The following SLC4A4 variants were observed in gnomAD, a reference collection of about 807,000 sequenced individuals.
The protein encoded by SLC4A4 is solute carrier family 4 member 4, also known as electrogenic sodium bicarbonate cotransporter 1.
SLC4A4 carries 27 observed loss-of-function variants against 111.5 expected under a neutral mutation model. The ratio of observed to expected loss-of-function variants is 0.24; its 90% CI spans 0.18 to 0.33. The LOEUF (loss-of-function observed/expected upper bound fraction) is 0.33. Ranked by LOEUF, SLC4A4 falls within the 10% of genes least tolerant of loss-of-function variation. SLC4A4 has a pLI of 1.00. For synonymous variants in SLC4A4, 443 were observed against 463.4 expected (o/e 0.96, Z 0.57); for missense variants, 909 against 1,315.5 (o/e 0.69, Z 4.78).
At chr4:71,209,400 A>G (rs1717993088) in intron 1 of SLC4A4, among the ~76,000 whole-genome samples, 1 of 152,208 alleles carries the variant, frequency 6.6e-6, no homozygotes, top group Admixed American at 6.5e-5. Context: ...AGGATGTTGC[A>G]AGAACAGGGT....
intron 7 of SLC4A4, among the ~76,000 whole-genome samples, chr4:71,436,542 G>T (rs987232687): frequency 1.3e-5 from 2 of 152,110 alleles, no homozygotes; most frequent in Non-Finnish European, 2.9e-5. Flanking sequence ...ATGTACCCCA[G>T]AACTTAAAGT....
Position 71,082,053 on chromosome 4 carries a change from G to T in SLC4A4, c.-64-10677G>T, listed in dbSNP as rs192907517. On this transcript the variant is annotated intron_variant, in intron 1 of 26. Transcript: ENST00000649996. ...TGCTCCCTTTGGTAAATTTTCTGTT[G>T]TCTCTCTTTATATCTTACTTATTTT... 4.2e-3 allele frequency among the ~76,000 whole-genome samples: 641 copies of T among 152,070 alleles called. 6 individuals carry two copies. Among genetic ancestry groups the T allele is most frequent in the Non-Finnish European group, 5.2e-3 (354 of 68,020 alleles).
rs539490679 is a variant in SLC4A4 at position 71,127,810 on chromosome 4, A to G, written c.-2+35018A>G. On this transcript the variant is annotated intron_variant, in intron 2 of 26. Transcript: ENST00000649996. ...GGTGTATGCTCAAAAGTCTTTACTG[A>G]TAAGATGTACAATTCAAAGTATTTG... is the stretch of plus-strand genomic sequence containing the variant. 4.6e-5 allele frequency among the ~76,000 whole-genome samples: 7 copies of G among 152,308 alleles called. No individual in the cohort carries two copies. In the East Asian group the frequency reaches 7.7e-4, roughly 17 times the overall value.
At chr4:71,363,508 A>G (rs956266620) in intron 6 of SLC4A4, among the ~76,000 whole-genome samples, 2 of 152,030 alleles carry the variant, frequency 1.3e-5, no homozygotes, top group African/African-American at 2.4e-5. Flanking sequence ...CATCCCCCCA[A>G]CTGCCCCATA....
chr4:71,512,286 C>A (rs1479048175), intron 16 of SLC4A4, among the ~76,000 whole-genome samples: 1 of 152,096 alleles, frequency 6.6e-6, no homozygotes, highest in Non-Finnish European at 1.5e-5. Context: ...TTTCCTCTTT[C>A]TCTGCATCCT....
In SLC4A4 at chr4:71,557,732, G is replaced by C. The variant is rs1736601122; in HGVS notation, c.2784G>C (p.Leu928=). The C allele has an allele frequency of 6.8e-6, 11 of 1,612,736 alleles. No homozygotes were observed. Among genetic ancestry groups the C allele is most frequent in the Non-Finnish European group, 9.3e-6 (11 of 1,179,218 alleles). Residue 928 remains leucine (L), a synonymous_variant, in exon 22 of 26, where the codon CTG becomes CTC. Transcript: ENST00000264485. ...CCCAGTTCATGGATCGTCTGAAGCT[G>C]CTTCTGATGCCTCTGAAGCATCAGC... ...NGVQFMDRLK[L]LLMPLKHQPD...
At chr4:71,423,445 A>G (rs182393531) in intron 7 of SLC4A4, among the ~76,000 whole-genome samples, 1 of 152,248 alleles carries the variant, frequency 6.6e-6, no homozygotes, top group Non-Finnish European at 1.5e-5. Context: ...TGCCATGCCC[A>G]TCAAGCTACC....
intron 3 of SLC4A4, among the ~76,000 whole-genome samples, chr4:71,287,358 CAA>C (rs1224367243): frequency 1.3e-5 from 2 of 152,132 alleles, no homozygotes; most frequent in East Asian, 1.9e-4. Context: ...TTCAGAAGTA[CAA>C]AGAGTGGGAA....
intron 1 of SLC4A4, among the ~76,000 whole-genome samples, chr4:71,070,958 A>T (rs1265170261): frequency 6.9e-6 from 1 of 144,758 alleles, no homozygotes; most frequent in Non-Finnish European, 1.5e-5. Flanking sequence ...CAAGAGCTGG[A>T]AAAGGTCAAC....
intron 7 of SLC4A4, among the ~76,000 whole-genome samples, chr4:71,400,226 C>T (rs1454049038): frequency 6.6e-6 from 1 of 152,122 alleles, no homozygotes; most frequent in Non-Finnish European, 1.5e-5. Context: ...AATTTACTAA[C>T]TTATTGGGTC....
intron 2 of SLC4A4, among the ~76,000 whole-genome samples, chr4:71,242,966 T>G (rs1720369532): frequency 6.6e-6 from 1 of 152,206 alleles, no homozygotes; most frequent in Non-Finnish European, 1.5e-5. Context: ...TTTGGACTCA[T>G]TCTCATCCTT....
intron 18 of SLC4A4, among the ~76,000 whole-genome samples, chr4:71,544,877 T>A (rs1735380451): frequency 6.6e-6 from 1 of 152,052 alleles, no homozygotes; most frequent in Admixed American, 6.6e-5. Flanking sequence ...GCAAGATTTT[T>A]TTTGTCTGTT....
At chr4:71,393,788 C>G (rs1294958650) in intron 6 of SLC4A4, among the ~76,000 whole-genome samples, 1 of 152,114 alleles carries the variant, frequency 6.6e-6, no homozygotes, top group Non-Finnish European at 1.5e-5. Flanking sequence ...GTCACCAAAA[C>G]AGCATGATAC....
rs569857114 is a variant in SLC4A4 at position 71,394,772 on chromosome 4, C to T, written c.731-2805C>T. On this transcript the variant is annotated intron_variant, in intron 6 of 25. Transcript: ENST00000264485. The stretch of plus-strand genomic sequence containing the variant: ...AAAAAGAATGAATTAATGGCATTTG[C>T]AGTGACCTGGATGGGATTGGAGACC... 1.3e-4 allele frequency among the ~76,000 whole-genome samples: 20 copies of T among 152,162 alleles called. 1 individual carries two copies. The highest frequency in any genetic ancestry group is 4.6e-4 in the African/African-American group (19 of 41,514).
chr4:71,486,920 G>A (rs1729457519), intron 14 of SLC4A4, 28 bp from the exon 15 acceptor site: 4 of 1,446,554 alleles, frequency 2.8e-6, no homozygotes, highest in Non-Finnish European at 3.9e-6. Flanking sequence ...TAGTTTTATA[G>A]TATAAAATAA....
chr4:71,158,095 CTCTGTG>C (rs1466723187), intron 2 of SLC4A4, among the ~76,000 whole-genome samples: 2 of 99,408 alleles, frequency 2.0e-5, no homozygotes, highest in Non-Finnish European at 2.0e-5. Context: ...ACATCCTTGA[CTCTGTG>C]TGTGTGTGTG....
intron 2 of SLC4A4, among the ~76,000 whole-genome samples, chr4:71,099,644 A>G (rs1298556926): frequency 6.6e-6 from 1 of 152,188 alleles, no homozygotes; most frequent in East Asian, 1.9e-4. Context: ...AAGATCAATG[A>G]ATCCAGGAGT....
intron 2 of SLC4A4, among the ~76,000 whole-genome samples, chr4:71,237,639 T>C (rs1719902996): frequency 6.6e-6 from 1 of 152,144 alleles, no homozygotes; most frequent in African/African-American, 2.4e-5. Flanking sequence ...TCTGGAGTGA[T>C]TCTTCAAGCA....
intron 2 of SLC4A4, among the ~76,000 whole-genome samples, chr4:71,130,615 A>G (rs1473176853): frequency 6.6e-6 from 1 of 152,174 alleles, no homozygotes; most frequent in Non-Finnish European, 1.5e-5. Flanking sequence ...ATTTTGTTAA[A>G]TGAGTGTCAC....
Sources: gnomAD v4.1 joint callset for allele counts (sites outside exome capture counted in the v4.1 genomes callset) on GRCh38, gnomAD v4.1.1 for gene constraint, MANE v1.5 for transcripts, NCBI Gene and HGNC (gene_info 2026-07-23, HGNC 2026-07-21) for gene names.